SLC67A1: variants seen among roughly 807,000 people sequenced by gnomAD.
SLC67A1 encodes solute carrier family 67 member 1, also known as solute carrier family 67 member A1.
At chr11:2,922,373 C>T in the SLC67A1 span, 2 of 1,585,140 alleles carry the variant, frequency 1.3e-6, no homozygotes, top group Non-Finnish European at 1.7e-6. Flanking sequence ...ACAGGTAAGA[C>T]CCCAGAGAGG....
the SLC67A1 span, chr11:2,902,769 C>T: frequency 6.4e-5 from 63 of 983,442 alleles, no homozygotes; most frequent in South Asian, 9.4e-5. Flanking sequence ...GTCTCCCCTA[C>T]GCAAGACCAT....
At chr11:2,917,736 T>C in the SLC67A1 span, among the ~76,000 whole-genome samples, 1 of 152,232 alleles carries the variant, frequency 6.6e-6, no homozygotes, top group African/African-American at 2.4e-5. Context: ...AGAGAATGCT[T>C]TTCCTAAGTG....
At chr11:2,916,817 A>C in the SLC67A1 span, 1 of 1,313,144 alleles carries the variant, frequency 7.6e-7, no homozygotes, top group Admixed American at 1.7e-5. Context: ...GCTCCAGCCA[A>C]GGGGTACGGG....
At chr11:2,914,812 G>T in the SLC67A1 span, 1 of 985,432 alleles carries the variant, frequency 1.0e-6, no homozygotes, top group Non-Finnish European at 1.2e-6. Context: ...TGACACGCAG[G>T]CCTCTGAGGC....
At chr11:2,914,328 A>G in the SLC67A1 span, among the ~76,000 whole-genome samples, 35 of 152,280 alleles carry the variant, frequency 2.3e-4, no homozygotes, top group African/African-American at 8.4e-4. Flanking sequence ...GGGGCTGAGC[A>G]GGAGGGGCTG....
chr11:2,901,450 C>T, the SLC67A1 span, among the ~76,000 whole-genome samples: 1 of 152,244 alleles, frequency 6.6e-6, no homozygotes, highest in South Asian at 2.1e-4. Context: ...GACATTTGAG[C>T]CTGTGCCCAG....
At chr11:2,917,146 G>A in the SLC67A1 span, 66 of 218,624 alleles carry the variant, frequency 3.0e-4, no homozygotes, top group South Asian at 4.2e-3. Context: ...GGTGCTGCCC[G>A]AGGGGCACTC....
the SLC67A1 span, chr11:2,922,138 C>A: frequency 6.2e-7 from 1 of 1,613,666 alleles, no homozygotes; most frequent in Non-Finnish European, 8.5e-7. Flanking sequence ...GCTGAGCAGC[C>A]ACTTCTCGGA....
the SLC67A1 span, chr11:2,922,078 T>C: frequency 6.3e-7 from 1 of 1,588,478 alleles, no homozygotes; most frequent in Non-Finnish European, 8.6e-7. Context: ...CATACCCACT[T>C]CTACCCTCTC....
At chr11:2,917,034 G>T in the SLC67A1 span, 1 of 426,168 alleles carries the variant, frequency 2.3e-6, no homozygotes. Context: ...GTGCTAGGAG[G>T]GGAGGCCCAG....
the SLC67A1 span, chr11:2,919,375 T>C: frequency 6.2e-7 from 1 of 1,613,848 alleles, no homozygotes; most frequent in Non-Finnish European, 8.5e-7. Flanking sequence ...CCAAGCTGGC[T>C]ACCTCATGTC....
chr11:2,909,720 G>A, the SLC67A1 span: 4 of 1,495,286 alleles, frequency 2.7e-6, no homozygotes, highest in Non-Finnish European at 3.5e-6. Context: ...GGTGAGTGGT[G>A]GGGGCCGGGG....
chr11:2,919,673 TG>T, the SLC67A1 span: 1 of 526,722 alleles, frequency 1.9e-6, no homozygotes, highest in Non-Finnish European at 3.4e-6. Flanking sequence ...ACCAGCTGTG[TG>T]ACCAGAGCAA....
the SLC67A1 span, among the ~76,000 whole-genome samples, chr11:2,911,272 C>T: frequency 0.019 from 2,925 of 152,174 alleles, 41 homozygotes; most frequent in Non-Finnish European, 0.029. Flanking sequence ...AGGCTATGCT[C>T]AGGGTGGGAG....
At chr11:2,905,121 A>T in the SLC67A1 span, among the ~76,000 whole-genome samples, 1 of 152,334 alleles carries the variant, frequency 6.6e-6, no homozygotes, top group Non-Finnish European at 1.5e-5. Flanking sequence ...TTTCGACCCC[A>T]GTGGAGAGCC....
chr11:2,923,323 G>A, the SLC67A1 span, among the ~76,000 whole-genome samples: 2 of 150,102 alleles, frequency 1.3e-5, no homozygotes, highest in East Asian at 4.0e-4. This position sits in a 1 kb window ranked among gnomAD's most constrained non-coding sequence, Gnocchi z 6.5. Context: ...CTGTCTGGGA[G>A]GCAGCAGATC....
the SLC67A1 span, chr11:2,916,808 C>T: frequency 1.4e-6 from 2 of 1,417,436 alleles, no homozygotes; most frequent in Admixed American, 1.7e-5. Flanking sequence ...GGCCTGCGTG[C>T]TCCAGCCAAG....
chr11:2,907,557 C>T, the SLC67A1 span, among the ~76,000 whole-genome samples: 1 of 152,182 alleles, frequency 6.6e-6, no homozygotes. The surrounding 1 kb of genome is among the most constrained non-coding windows in gnomAD (Gnocchi z 6.7). Context: ...CCTGATTAAC[C>T]CCATTTCCTA....
chr11:2,909,110 G>C, the SLC67A1 span: 1 of 1,324,754 alleles, frequency 7.5e-7, no homozygotes, highest in Non-Finnish European at 9.9e-7. Context: ...AGCCTCCCTG[G>C]TCAGCCCCGC....
Sources: allele counts gnomAD v4.1 joint callset (sites outside exome capture counted in the v4.1 genomes callset), GRCh38; gene constraint gnomAD v4.1.1; non-coding constraint Gnocchi (gnomAD v3.1); transcripts MANE v1.5; gene names NCBI Gene and HGNC (gene_info 2026-07-23, HGNC 2026-07-21).